PTPRN2: variants seen among roughly 807,000 people sequenced by gnomAD.
PTPRN2 encodes the protein receptor-type tyrosine-protein phosphatase N2.
PTPRN2 carries 74 observed loss-of-function variants against 118.8 expected under a neutral mutation model. The ratio of observed to expected loss-of-function variants is 0.62; its 90% CI spans 0.52 to 0.76. PTPRN2 has a LOEUF of 0.76. Among genes scored for constraint, PTPRN2 ranks in the 30% least tolerant of loss-of-function variants. The probability of loss-of-function intolerance (pLI) is 0.00; values close to 1 mark genes in which losing one functional copy is unlikely to be tolerated. For missense variants in PTPRN2, 1,481 were observed against 1,394.4 expected, an observed-to-expected ratio of 1.06 and a Z score of -0.99; for synonymous variants, 641 against 608.0, an observed-to-expected ratio of 1.05 and a Z score of -0.80.
At chr7:158,415,886 C>T (rs1416503458) in intron 2 of PTPRN2, among the ~76,000 whole-genome samples, 3 of 152,192 alleles carry the variant, frequency 2.0e-5, no homozygotes, top group Non-Finnish European at 2.9e-5. Context: ...AATACCAGAG[C>T]ATTCCTCAGA....
At position 158,533,524 on chromosome 7, in the gene PTPRN2, C is replaced by T. The variant is rs559606213; in HGVS notation, c.113-43739G>A. ...GACCTATGTCCACTCCCGGAGGCAC[C>T]GCCAGGACCCTGTCCTGCGTGATGG... On this transcript the variant is annotated intron_variant, in intron 1 of 22. Transcript: ENST00000389418. 4.9e-4 allele frequency among the ~76,000 whole-genome samples: 74 copies of T among 152,274 alleles called. 1 individual carries two copies. The highest frequency in any genetic ancestry group is 6.6e-4 in the Non-Finnish European group (45 of 68,030).
chr7:158,451,139 A>C (rs1280680323), intron 2 of PTPRN2, among the ~76,000 whole-genome samples: 1 of 152,156 alleles, frequency 6.6e-6, no homozygotes, highest in Non-Finnish European at 1.5e-5. Flanking sequence ...CAGTCATTTG[A>C]ATTTTCTCCT....
At chr7:158,554,277 C>A (rs1826840479) in intron 1 of PTPRN2, among the ~76,000 whole-genome samples, 1 of 152,022 alleles carries the variant, frequency 6.6e-6, no homozygotes, top group Non-Finnish European at 1.5e-5. Flanking sequence ...ACAACAACAA[C>A]AAGAAAAACA....
chr7:158,238,472 G>A (rs907706628), intron 3 of PTPRN2, among the ~76,000 whole-genome samples: 10 of 152,128 alleles, frequency 6.6e-5, no homozygotes, highest in African/African-American at 9.7e-5. Flanking sequence ...CCTTTCTTCC[G>A]CCCTCAGCCA....
rs116414646 is a variant in PTPRN2 at position 157,750,345 on chromosome 7, G to A, written c.1789-67408C>T. Among the ~76,000 whole-genome samples, 1,276 of 152,228 alleles carry A rather than the reference G, an allele frequency of 8.4e-3. 14 individuals are homozygous for A. The highest frequency in any genetic ancestry group is 0.029 in the African/African-American group (1,214 of 41,522). ...ATCTCTGGGTCTTGGCTTCCCCCAC[G>A]GCAATGAGGCTGGCCGGATGTAGGG... On this transcript the variant is annotated intron_variant, in intron 12 of 22. Transcript: ENST00000389418.
In PTPRN2 at chr7:158,085,737, G is replaced by A. The variant is rs543437221; in HGVS notation, c.1644-4360C>T. Among the ~76,000 whole-genome samples the A allele has an allele frequency of 8.2e-3, 988 of 119,832 alleles. 21 individuals are homozygous for A. The highest frequency in any genetic ancestry group is 0.034 in the African/African-American group (937 of 27,266). 78.6% of individuals were successfully genotyped at this position (119,832 alleles called of 152,430 possible). On this transcript the variant is annotated intron_variant, in intron 10 of 22. Transcript: ENST00000389418. ...ACCCACGACGCCCATCCACACCCAC[G>A]ACACCCATCCACACATGCCCATCCA... is the stretch of plus-strand genomic sequence containing the variant.
intron 1 of PTPRN2, among the ~76,000 whole-genome samples, chr7:158,537,910 CCTCATAAATGTA>C (rs1210047991): frequency 2.0e-5 from 3 of 152,256 alleles, no homozygotes; most frequent in Non-Finnish European, 4.4e-5. Context: ...TTCACCTTGA[CCTCATAAATGTA>C]ATTTGTTGTT....
At chr7:157,658,461 C>T (rs140469213) in intron 13 of PTPRN2, among the ~76,000 whole-genome samples, 1 of 152,316 alleles carries the variant, frequency 6.6e-6, no homozygotes, top group East Asian at 1.9e-4. Flanking sequence ...TCTGAGGGAT[C>T]ACTGCAGGGT....
At chr7:157,906,699 T>C (rs1797788384) in intron 11 of PTPRN2, among the ~76,000 whole-genome samples, 1 of 152,076 alleles carries the variant, frequency 6.6e-6, no homozygotes, top group African/African-American at 2.4e-5. Context: ...CTGTGCACTG[T>C]GAGCCTTTCA....
chr7:157,914,614 A>T (rs1370974501), intron 11 of PTPRN2, among the ~76,000 whole-genome samples: 19 of 145,660 alleles, frequency 1.3e-4, no homozygotes, highest in Middle Eastern at 3.5e-3. Flanking sequence ...TTTTTTTTTT[A>T]AATTAGTATT....
At chr7:158,535,433 A>G (rs141266435) in intron 1 of PTPRN2, among the ~76,000 whole-genome samples, 9 of 152,282 alleles carry the variant, frequency 5.9e-5, no homozygotes, top group Admixed American at 2.0e-4. Context: ...AGAACCTGCA[A>G]TGGGAGGGTA....
intron 12 of PTPRN2, among the ~76,000 whole-genome samples, chr7:157,721,217 G>C (rs539078864): frequency 9.2e-5 from 14 of 152,212 alleles, no homozygotes; most frequent in African/African-American, 3.4e-4. Context: ...CAACGGGCAC[G>C]GTGTAGGCCC....
chr7:157,568,900 A>T lies in PTPRN2; in HGVS notation c.2902+2T>A, dbSNP rs776269736. ...AACAAAGCGGCAGTGTCTGTGTCTC[A>T]CCTTTGGCCATCTTGTTGAGAACCA... On this transcript the variant is annotated splice_donor_variant, in intron 21 of 22. Coordinates refer to ENST00000389418, the MANE Select transcript of PTPRN2 (RefSeq NM_002847.5). LOFTEE classifies it high-confidence loss of function. 1.3e-6 allele frequency: 2 copies of T among 1,555,904 alleles called. No homozygotes were observed. The highest frequency in any genetic ancestry group is 1.7e-5 in the Admixed American group (1 of 59,916).
intron 12 of PTPRN2, among the ~76,000 whole-genome samples, chr7:157,708,059 C>A (rs889769808): frequency 1.3e-5 from 2 of 152,254 alleles, no homozygotes; most frequent in Non-Finnish European, 2.9e-5. Flanking sequence ...CTGCCTTGGG[C>A]CGCTGGGGCC....
intron 2 of PTPRN2, among the ~76,000 whole-genome samples, chr7:158,364,476 CT>C (rs1464549931): frequency 4.6e-5 from 7 of 152,176 alleles, no homozygotes; most frequent in African/African-American, 1.7e-4. Context: ...CCAAGAATGT[CT>C]CTTTTTCTGG....
chr7:157,993,622 T>G (rs1360795480), intron 11 of PTPRN2, among the ~76,000 whole-genome samples: 1 of 152,144 alleles, frequency 6.6e-6, no homozygotes, highest in East Asian at 1.9e-4. Context: ...GTCCTGTCCC[T>G]GAGTCCCCGC....
intron 2 of PTPRN2, among the ~76,000 whole-genome samples, chr7:158,396,445 A>G (rs977630484): frequency 3.4e-5 from 5 of 148,292 alleles, no homozygotes; most frequent in Admixed American, 6.7e-5. Context: ...TGAATGTGTC[A>G]CGTGTGTGCA....
chr7:158,003,226 A>C lies in PTPRN2; in HGVS notation c.1723+78072T>G, dbSNP rs1198253032. On this transcript the variant is annotated intron_variant, in intron 11 of 22. Coordinates refer to ENST00000389418, the MANE Select transcript of PTPRN2 (RefSeq NM_002847.5). The surrounding 1 kb of genome is among the most constrained non-coding windows in gnomAD (Gnocchi z 5.0). ...TCAGGAGATCGAGACCATCTTGGCTAACACGGTGAAACCCCGTTTCTACTA... is the reference window on the plus strand; with the variant it reads ...TCAGGAGATCGAGACCATCTTGGCTCACACGGTGAAACCCCGTTTCTACTA... Among the ~76,000 whole-genome samples, 1 of 151,884 alleles carries C rather than the reference A, an allele frequency of 6.6e-6. No individual in the cohort carries two copies. Among genetic ancestry groups the C allele is most frequent in the Admixed American group, 6.6e-5 (1 of 15,258 alleles).
chr7:158,552,828 G>T (rs1826749363), intron 1 of PTPRN2, among the ~76,000 whole-genome samples: 1 of 152,208 alleles, frequency 6.6e-6, no homozygotes, highest in Non-Finnish European at 1.5e-5. Flanking sequence ...CTTGACATGT[G>T]CATCCAAGGG....
Sources: allele counts gnomAD v4.1 joint callset (sites outside exome capture counted in the v4.1 genomes callset), GRCh38; gene constraint gnomAD v4.1.1; non-coding constraint Gnocchi (gnomAD v3.1); transcripts MANE v1.5; gene names NCBI Gene and HGNC (gene_info 2026-07-23, HGNC 2026-07-21).